The following PLPPR1 variants were observed in gnomAD, a reference collection of about 807,000 sequenced individuals.
PLPPR1 encodes phospholipid phosphatase related 1, also known as phospholipid phosphatase-related protein type 1.
PLPPR1 carries 10 observed loss-of-function variants against 33.1 expected under a neutral mutation model. The observed-to-expected ratio is 0.30, with a 90% CI of 0.19 to 0.51. The LOEUF (loss-of-function observed/expected upper bound fraction) is 0.51. Among genes scored for constraint, PLPPR1 ranks in the 20% least tolerant of loss-of-function variants. PLPPR1 has a pLI of 0.97. For synonymous variants in PLPPR1, 151 were observed against 151.0 expected (o/e 1.00, Z 0.00); for missense variants, 304 against 408.1 (o/e 0.74, Z 2.20).
chr9:101,116,011 G>A (rs1208064850), intron 1 of PLPPR1, among the ~76,000 whole-genome samples: 1 of 152,214 alleles, frequency 6.6e-6, no homozygotes, highest in Non-Finnish European at 1.5e-5. Context: ...AGAACATTCT[G>A]TAGAAGCACA....
intron 1 of PLPPR1, among the ~76,000 whole-genome samples, chr9:101,037,043 T>A (rs1830018927): frequency 6.6e-6 from 1 of 152,118 alleles, no homozygotes; most frequent in Non-Finnish European, 1.5e-5. Flanking sequence ...CCCCATAACC[T>A]TCTTGCCACC....
At chr9:101,249,831 G>A (rs1311632238) in intron 2 of PLPPR1, among the ~76,000 whole-genome samples, 1 of 152,016 alleles carries the variant, frequency 6.6e-6, no homozygotes, top group Non-Finnish European at 1.5e-5. Flanking sequence ...ATCCCAAAGA[G>A]CAAGAAAAGG....
At chr9:101,059,232 G>T (rs1195928371) in intron 1 of PLPPR1, among the ~76,000 whole-genome samples, 5 of 151,982 alleles carry the variant, frequency 3.3e-5, no homozygotes, top group East Asian at 3.9e-4. Context: ...GAATATCAAA[G>T]AATTTGCTTG....
intron 3 of PLPPR1, among the ~76,000 whole-genome samples, chr9:101,270,977 TA>T (rs1302202131): frequency 3.3e-5 from 5 of 152,192 alleles, no homozygotes; most frequent in African/African-American, 1.2e-4. Flanking sequence ...ATTGCTTAGA[TA>T]TTCAGTTCGA....
chr9:101,109,085 A>C (rs1831016449), intron 1 of PLPPR1, among the ~76,000 whole-genome samples: 1 of 150,330 alleles, frequency 6.7e-6, no homozygotes, highest in African/African-American at 2.4e-5. Context: ...CAGCCTCCCA[A>C]GTAGCTGGGA....
intron 1 of PLPPR1, among the ~76,000 whole-genome samples, chr9:101,065,440 A>G (rs932642885): frequency 1.1e-4 from 17 of 152,130 alleles, no homozygotes; most frequent in African/African-American, 4.1e-4. Flanking sequence ...AGCTTTTCTC[A>G]GAATAATTGG....
intron 1 of PLPPR1, among the ~76,000 whole-genome samples, chr9:101,102,234 C>CGCTG (rs1160596892): frequency 8.3e-6 from 1 of 120,710 alleles, no homozygotes; most frequent in Non-Finnish European, 1.7e-5. Flanking sequence ...CATGCTGGTG[C>CGCTG]GCTGCACCCA....
At chr9:101,226,274 C>G (rs2118804950) in intron 2 of PLPPR1, among the ~76,000 whole-genome samples, 1 of 152,222 alleles carries the variant, frequency 6.6e-6, no homozygotes, top group Middle Eastern at 3.4e-3. Flanking sequence ...CCCCTCCCCC[C>G]TCCTCACTCA....
chr9:101,203,971 T>C (rs1826543693), intron 2 of PLPPR1, among the ~76,000 whole-genome samples: 1 of 152,102 alleles, frequency 6.6e-6, no homozygotes, highest in Non-Finnish European at 1.5e-5. Flanking sequence ...CTGGCCTGAT[T>C]AAGTGGTCTG....
At chr9:101,162,219 T>C (rs1831786171) in intron 1 of PLPPR1, among the ~76,000 whole-genome samples, 1 of 152,134 alleles carries the variant, frequency 6.6e-6, no homozygotes, top group Non-Finnish European at 1.5e-5. Context: ...TTCCAAAGAT[T>C]GCAATTTTCA....
intron 3 of PLPPR1, among the ~76,000 whole-genome samples, chr9:101,277,637 T>C (rs1828221853): frequency 6.6e-6 from 1 of 152,168 alleles, no homozygotes; most frequent in Admixed American, 6.5e-5. Flanking sequence ...ACCTTAGGGA[T>C]CCTGTAGTAA....
At chr9:101,077,801 T>G (rs1180564000) in intron 1 of PLPPR1, among the ~76,000 whole-genome samples, 2 of 151,870 alleles carry the variant, frequency 1.3e-5, no homozygotes, top group Non-Finnish European at 2.9e-5. Flanking sequence ...GCAAGGCGGC[T>G]CCCTTAGAAA....
At chr9:101,244,961 G>A (rs984013381) in intron 2 of PLPPR1, among the ~76,000 whole-genome samples, 1 of 151,958 alleles carries the variant, frequency 6.6e-6, no homozygotes, top group African/African-American at 2.4e-5. Flanking sequence ...AGTCATTAGA[G>A]AAGTGCAAGT....
intron 2 of PLPPR1, among the ~76,000 whole-genome samples, chr9:101,263,978 C>G (rs997797474): frequency 6.6e-6 from 1 of 152,066 alleles, no homozygotes; most frequent in African/African-American, 2.4e-5. Flanking sequence ...GACCTCCATC[C>G]CCTCTCAGGG....
Position 101,220,331 on chromosome 9 carries a change from TTATC to T in PLPPR1, c.63+34775_63+34778del, listed in dbSNP as rs560077350. On this transcript the variant is annotated intron_variant, in intron 2 of 7. Transcript: ENST00000374874. ...TGGTTTACATATATTAACTCATTAT[TTATC>T]ACTTCAACTATAAAAGGATGTTATT... Among the ~76,000 whole-genome samples the T allele has an allele frequency of 8.5e-5, 13 of 152,364 alleles. No individual in the cohort carries two copies. The East Asian group carries it at 2.1e-3, about 25-fold the overall frequency.
At chr9:101,207,878 C>T (rs1228201492) in intron 2 of PLPPR1, among the ~76,000 whole-genome samples, 2 of 152,116 alleles carry the variant, frequency 1.3e-5, no homozygotes, top group Non-Finnish European at 2.9e-5. Context: ...AGAAGGACTT[C>T]CAAGAGCCTA....
chr9:101,109,508 A>G (rs964863190), intron 1 of PLPPR1, among the ~76,000 whole-genome samples: 1 of 152,162 alleles, frequency 6.6e-6, no homozygotes, highest in African/African-American at 2.4e-5. Flanking sequence ...GCTATGCCAT[A>G]TACTTCTGGC....
chr9:101,201,086 G>C (rs982522210), intron 2 of PLPPR1, among the ~76,000 whole-genome samples: 1 of 152,182 alleles, frequency 6.6e-6, no homozygotes, highest in Non-Finnish European at 1.5e-5. Flanking sequence ...AGCTTGTCTG[G>C]TAAGGGCTGC....
intron 2 of PLPPR1, among the ~76,000 whole-genome samples, chr9:101,262,146 A>G (rs920614968): frequency 9.2e-5 from 14 of 152,190 alleles, no homozygotes; most frequent in African/African-American, 3.4e-4. Flanking sequence ...CTCTTCTAGG[A>G]AACTATTTTT....
Sources: gnomAD v4.1 joint callset for allele counts (sites outside exome capture counted in the v4.1 genomes callset) on GRCh38, gnomAD v4.1.1 for gene constraint, MANE v1.5 for transcripts, NCBI Gene and HGNC (gene_info 2026-07-23, HGNC 2026-07-21) for gene names.